LMBRD1: variants seen among roughly 807,000 people sequenced by gnomAD.
LMBRD1 encodes lysosomal cobalamin transport escort protein LMBD1.
In LMBRD1, 64 loss-of-function variants were observed where a neutral mutation model predicts 74.8. That is an observed-to-expected ratio of 0.86 (90% confidence interval 0.70 to 1.05). The LOEUF (loss-of-function observed/expected upper bound fraction) is 1.05. LMBRD1 is among the 50% of genes least tolerant of loss of function. The pLI is 0.00. For synonymous variants in LMBRD1, 204 were observed against 216.3 expected, an observed-to-expected ratio of 0.94 and a Z score of 0.50; for missense variants, 652 against 645.9, an observed-to-expected ratio of 1.01 and a Z score of -0.10.
chr6:69,674,167 C>T lies in LMBRD1; in HGVS notation c.*1991G>A, dbSNP rs1175362889. ...TCACATGGCCTCTTCTTTGTACATA[C>T]ACATTCTAGATGTCTCTCCCCCTTC... On this transcript the variant is annotated 3_prime_UTR_variant, in exon 16 of 16. Transcript: ENST00000649934. 6.6e-6 allele frequency among the ~76,000 whole-genome samples: 1 copy of T among 152,220 alleles called. No homozygotes were observed. The highest frequency in any genetic ancestry group is 1.9e-4 in the East Asian group (1 of 5,202).
At position 69,719,022 on chromosome 6, in the gene LMBRD1, A is replaced by C. The variant is rs1766554512; in HGVS notation, c.696T>G (p.Tyr232Ter). Residue 232 changes from tyrosine to a stop codon, truncating the protein, a stop_gained, in exon 8 of 16, where the codon TAT becomes TAG. Coordinates refer to ENST00000649934, the MANE Select transcript of LMBRD1 (RefSeq NM_018368.4). LOFTEE classifies it high-confidence loss of function. ...NLIKGTRSAA[Y>*]ERLENTEDIE... ...TGTCTTCAGTGTTTTCCAAACGTTCATAAGCAGCGCTTCTAGTGCCTTTTA... is the reference window on the plus strand; with the variant it reads ...TGTCTTCAGTGTTTTCCAAACGTTCCTAAGCAGCGCTTCTAGTGCCTTTTA... The C allele has an allele frequency of 1.9e-6, 3 of 1,613,184 alleles. No individual in the cohort carries two copies. The highest frequency in any genetic ancestry group is 2.5e-6 in the Non-Finnish European group (3 of 1,179,460).
intron 9 of LMBRD1, among the ~76,000 whole-genome samples, chr6:69,703,695 T>G (rs1766185269): frequency 1.3e-5 from 2 of 152,076 alleles, no homozygotes; most frequent in South Asian, 4.1e-4. Flanking sequence ...ACCTAAAAGC[T>G]ACATATTATA....
At chr6:69,787,889 T>C (rs1465286617) in intron 2 of LMBRD1, among the ~76,000 whole-genome samples, 1 of 152,232 alleles carries the variant, frequency 6.6e-6, no homozygotes, top group Non-Finnish European at 1.5e-5. Context: ...TTTTTTCTTT[T>C]AAGGGCACAT....
At chr6:69,756,822 C>T (rs1019066303) in intron 3 of LMBRD1, among the ~76,000 whole-genome samples, 1 of 152,096 alleles carries the variant, frequency 6.6e-6, no homozygotes, top group Non-Finnish European at 1.5e-5. Context: ...TGTTTTTGCA[C>T]AATCTAAACT....
intron 5 of LMBRD1, among the ~76,000 whole-genome samples, chr6:69,743,959 G>T (rs1767162893): frequency 1.3e-5 from 2 of 152,046 alleles, no homozygotes; most frequent in African/African-American, 2.4e-5. Flanking sequence ...CAGCCCCATA[G>T]ACAAAGATCT....
chr6:69,682,483 G>T (rs1765683935), intron 14 of LMBRD1, among the ~76,000 whole-genome samples: 1 of 151,850 alleles, frequency 6.6e-6, no homozygotes, highest in African/African-American at 2.4e-5. Flanking sequence ...ATATATATTT[G>T]CCTTTTAAGA....
At chr6:69,759,471 C>CAA (rs34380862) in intron 3 of LMBRD1, among the ~76,000 whole-genome samples, 28 of 148,948 alleles carry the variant, frequency 1.9e-4, no homozygotes, top group Admixed American at 3.3e-4. Context: ...AAAAACAAAC[C>CAA]AAAAAAAAAC....
intron 1 of LMBRD1, chr6:69,790,748 T>C (rs900774500): frequency 1.2e-5 from 5 of 427,342 alleles, no homozygotes; most frequent in South Asian, 1.1e-4. Flanking sequence ...CAAACGTTAA[T>C]GGTTTCACAC....
At chr6:69,795,215 T>G (rs973679117) in intron 1 of LMBRD1, among the ~76,000 whole-genome samples, 1 of 152,276 alleles carries the variant, frequency 6.6e-6, no homozygotes, top group Non-Finnish European at 1.5e-5. Flanking sequence ...CTAATGCTTT[T>G]ATCCACGACA....
chr6:69,773,760 T>C (rs950318503), intron 3 of LMBRD1, among the ~76,000 whole-genome samples: 1 of 152,234 alleles, frequency 6.6e-6, no homozygotes, highest in African/African-American at 2.4e-5. Context: ...TGTACATATA[T>C]AATATCTTCT....
At chr6:69,757,524 C>T (rs547614889) in intron 3 of LMBRD1, among the ~76,000 whole-genome samples, 13 of 152,106 alleles carry the variant, frequency 8.5e-5, no homozygotes, top group Non-Finnish European at 1.8e-4. Context: ...TTCTCAGTGT[C>T]CTTTATAAAG....
At chr6:69,769,376 T>C (rs1765532653) in intron 3 of LMBRD1, among the ~76,000 whole-genome samples, 1 of 152,172 alleles carries the variant, frequency 6.6e-6, no homozygotes. Context: ...TATCTCCTTT[T>C]TGAACATCTC....
intron 14 of LMBRD1, among the ~76,000 whole-genome samples, chr6:69,678,890 A>C (rs116136867): frequency 3.3e-3 from 501 of 152,218 alleles, no homozygotes; most frequent in African/African-American, 0.012. Flanking sequence ...TTTTATCAAC[A>C]TATAAGACTT....
intron 3 of LMBRD1, among the ~76,000 whole-genome samples, chr6:69,776,552 A>G (rs562369355): frequency 1.4e-4 from 22 of 152,210 alleles, no homozygotes; most frequent in Non-Finnish European, 2.8e-4. Context: ...AGATTATCAC[A>G]TGATTTGTTA....
At chr6:69,791,616 ACTTT>A (rs1410722100) in intron 1 of LMBRD1, among the ~76,000 whole-genome samples, 1 of 152,200 alleles carries the variant, frequency 6.6e-6, no homozygotes, top group African/African-American at 2.4e-5. Context: ...AACAGCGGTT[ACTTT>A]CTTTCTGAGC....
At chr6:69,682,794 T>C (rs1765690683) in intron 14 of LMBRD1, among the ~76,000 whole-genome samples, 1 of 152,040 alleles carries the variant, frequency 6.6e-6, no homozygotes, top group Non-Finnish European at 1.5e-5. Flanking sequence ...TAATTTACTA[T>C]GAGACCCTTG....
intron 5 of LMBRD1, among the ~76,000 whole-genome samples, chr6:69,747,730 C>T (rs1765022009): frequency 6.6e-6 from 1 of 152,270 alleles, no homozygotes; most frequent in East Asian, 1.9e-4. Flanking sequence ...ACCTTTAGCC[C>T]TAAGATCTAG....
At chr6:69,748,453 G>T (rs9454882) in intron 5 of LMBRD1, among the ~76,000 whole-genome samples, 4 of 151,976 alleles carry the variant, frequency 2.6e-5, no homozygotes, top group African/African-American at 9.7e-5. Flanking sequence ...CAGGTAAAAA[G>T]AACTGAAAAT....
At chr6:69,722,268 C>T (rs1378361591) in intron 7 of LMBRD1, among the ~76,000 whole-genome samples, 1 of 152,078 alleles carries the variant, frequency 6.6e-6, no homozygotes, top group African/African-American at 2.4e-5. Context: ...AACACCAGAC[C>T]TGCCCTGCAA....
Sources: allele counts gnomAD v4.1 joint callset (sites outside exome capture counted in the v4.1 genomes callset), GRCh38; gene constraint gnomAD v4.1.1; transcripts MANE v1.5; gene names NCBI Gene and HGNC (gene_info 2026-07-23, HGNC 2026-07-21).